The following NOX3 variants were observed in gnomAD, a reference collection of about 807,000 sequenced individuals.
NOX3 encodes NADPH oxidase catalytic subunit-like 3.
Under a neutral mutation model 76.7 loss-of-function variants are expected in NOX3, and 74 were observed. The ratio of observed to expected loss-of-function variants is 0.96; its 90% CI spans 0.80 to 1.17. The LOEUF is 1.17. NOX3 is among the 50% of genes most tolerant of loss of function. The pLI, the probability that NOX3 is intolerant of heterozygous loss-of-function variation, is 0.00. For missense variants in NOX3, 695 were observed against 703.3 expected (o/e 0.99, Z 0.13); for synonymous variants, 263 against 261.1 (o/e 1.01, Z -0.07).
At chr6:155,428,147 C>T (rs1466445880) in intron 9 of NOX3, among the ~76,000 whole-genome samples, 3 of 152,234 alleles carry the variant, frequency 2.0e-5, no homozygotes, top group Non-Finnish European at 2.9e-5. Context: ...GTGATCCGCC[C>T]GCCTTGGCTT....
chr6:155,413,085 T>C (rs545641530), intron 10 of NOX3, among the ~76,000 whole-genome samples: 1 of 152,148 alleles, frequency 6.6e-6, no homozygotes, highest in African/African-American at 2.4e-5. Context: ...TCTGGAGACA[T>C]AGGAGGCATT....
intron 6 of NOX3, among the ~76,000 whole-genome samples, chr6:155,439,143 A>G (rs1450847376): frequency 6.6e-6 from 1 of 152,234 alleles, no homozygotes; most frequent in Middle Eastern, 3.4e-3. Flanking sequence ...ACATGACAGG[A>G]CTGTTGTGGG....
At chr6:155,445,035 T>C (rs1397299103) in intron 4 of NOX3, among the ~76,000 whole-genome samples, 1 of 152,204 alleles carries the variant, frequency 6.6e-6, no homozygotes. Context: ...GAGAACAAGC[T>C]TAAGAACCCA....
intron 10 of NOX3, among the ~76,000 whole-genome samples, chr6:155,421,401 C>T (rs2114688678): frequency 6.6e-6 from 1 of 152,240 alleles, no homozygotes; most frequent in East Asian, 1.9e-4. Flanking sequence ...TAGTTAACTG[C>T]TGTTTCTTAG....
At chr6:155,404,622 A>G (rs144233734) in intron 12 of NOX3, among the ~76,000 whole-genome samples, 131 of 152,308 alleles carry the variant, frequency 8.6e-4, no homozygotes, top group African/African-American at 3.1e-3. Context: ...CCCTATGCTC[A>G]AAGTGATGCT....
In NOX3 at chr6:155,422,857, C is replaced by G; in HGVS notation, c.1146-1G>C. ...TCCAAAGGGCCCGTCCACTGCCAGC[C>G]TGGAATCATAGAGGAATGCAGCCTA... is the stretch of plus-strand genomic sequence containing the variant. On this transcript the variant is annotated splice_acceptor_variant, in intron 9 of 13. Coordinates refer to ENST00000159060, the MANE Select transcript of NOX3 (RefSeq NM_015718.3). LOFTEE classifies it high-confidence loss of function. The G allele has an allele frequency of 1.9e-6, 3 of 1,614,084 alleles. No homozygotes were observed. The highest frequency in any genetic ancestry group is 2.5e-6 in the Non-Finnish European group (3 of 1,179,954).
Position 155,443,543 on chromosome 6 carries a change from G to T in NOX3, c.341-125C>A. ...GTTTTTGTAATCTCCAAGGAAAAGT[G>T]ATGTATTTACACATCTTTCCCAGTG... On this transcript the variant is annotated intron_variant, in intron 4 of 13. Coordinates refer to ENST00000159060, the MANE Select transcript of NOX3 (RefSeq NM_015718.3). 6.0e-6 allele frequency: 7 copies of T among 1,166,308 alleles called. No homozygotes were observed. The South Asian group carries it at 8.2e-5, about 14-fold the overall frequency. The allele number at this position is 1,166,308 out of a possible 1,614,324, so 72.2% of individuals were successfully genotyped here.
chr6:155,454,957 G>A, intron 2 of NOX3, 36 bp from the exon 3 acceptor site: 1 of 1,578,346 alleles, frequency 6.3e-7, no homozygotes, highest in East Asian at 2.2e-5. Flanking sequence ...AGAGATTCAG[G>A]GAAAACAAGG....
chr6:155,415,056 A>T (rs116587632), intron 10 of NOX3, among the ~76,000 whole-genome samples: 175 of 152,196 alleles, frequency 1.1e-3, no homozygotes, highest in African/African-American at 3.8e-3. Flanking sequence ...CCAAGCGCTA[A>T]TGATCAGCCC....
chr6:155,427,488 C>T (rs772935418), intron 9 of NOX3, among the ~76,000 whole-genome samples: 25 of 152,170 alleles, frequency 1.6e-4, no homozygotes, highest in Non-Finnish European at 2.6e-4. Context: ...TTCCTCTGTA[C>T]GCACTGCATG....
intron 5 of NOX3, among the ~76,000 whole-genome samples, chr6:155,441,992 C>T (rs62429665): frequency 0.048 from 7,380 of 152,218 alleles, 260 homozygotes; most frequent in Non-Finnish European, 0.075. Flanking sequence ...AAGCCGAGCG[C>T]GGTGGCTCAC....
Position 155,411,301 on chromosome 6 carries a change from T to G in NOX3, c.1368A>C (p.Leu456Phe). Residue 456 changes from leucine to phenylalanine, a missense_variant, in exon 11 of 14, where the codon TTA (leucine) becomes TTC (phenylalanine). Leu to Phe is a conservative substitution (Grantham distance 22). Coordinates refer to ENST00000159060, the MANE Select transcript of NOX3 (RefSeq NM_015718.3). Reference protein sequence around the residue: ...ARAFEWFADLLLSLETRMSEQ... With the variant: ...ARAFEWFADLFLSLETRMSEQ... ...CACTCATCCGTGTTTCCAGGGAGAG[T>G]AAGAGATCAGCAAACCACTCAAAAG... The G allele has an allele frequency of 6.2e-7, 1 of 1,613,822 alleles. No homozygotes were observed. Among genetic ancestry groups the G allele is most frequent in the Non-Finnish European group, 8.5e-7 (1 of 1,179,896 alleles).
Position 155,453,473 on chromosome 6 carries a change from A to C in NOX3, c.271T>G (p.Trp91Gly). Reference sequence around the variant, plus strand: ...AGGTTTTTGTCTAATTGCCTCCTCCACGGTCCTCTGCAGCACTAGAGTAAC... The same window carrying C: ...AGGTTTTTGTCTAATTGCCTCCTCCCCGGTCCTCTGCAGCACTAGAGTAAC... Reference protein sequence around the residue: ...RGTSICCRGPWRRQLDKNLRF... With the variant: ...RGTSICCRGPGRRQLDKNLRF... Residue 91 changes from tryptophan to glycine, a missense_variant, in exon 4 of 14, where the codon TGG becomes GGG. Trp to Gly is a radical substitution (Grantham distance 184). Coordinates refer to ENST00000159060, the MANE Select transcript of NOX3 (RefSeq NM_015718.3). The C allele has an allele frequency of 6.2e-7, 1 of 1,613,674 alleles. No individual in the cohort carries two copies. Among genetic ancestry groups the C allele is most frequent in the South Asian group, 1.1e-5 (1 of 91,070 alleles).
intron 5 of NOX3, among the ~76,000 whole-genome samples, chr6:155,442,460 G>A (rs999741658): frequency 2.6e-5 from 4 of 152,138 alleles, no homozygotes; most frequent in Admixed American, 2.6e-4. Context: ...AGATGGCCTG[G>A]ATAAGAATGG....
At chr6:155,405,505 C>T (rs184466583) in intron 12 of NOX3, among the ~76,000 whole-genome samples, 136 of 152,268 alleles carry the variant, frequency 8.9e-4, no homozygotes, top group Middle Eastern at 6.8e-3. Context: ...GAAATTCTCC[C>T]CTGAACGTTT....
chr6:155,422,565 T>C (rs1005957235), intron 10 of NOX3, 129 bp downstream of exon 10: 10 of 802,814 alleles, frequency 1.2e-5, no homozygotes, highest in South Asian at 7.4e-5. Context: ...AGAACATAAG[T>C]ATAGTTAAGG....
intron 1 of NOX3, among the ~76,000 whole-genome samples, 179 bp from the exon 2 acceptor site, chr6:155,455,308 A>G (rs1440588108): frequency 6.6e-6 from 1 of 152,248 alleles, no homozygotes; most frequent in Non-Finnish European, 1.5e-5. Flanking sequence ...GTAATACATT[A>G]TTACCTTTAT....
intron 12 of NOX3, among the ~76,000 whole-genome samples, chr6:155,403,847 G>A (rs1779266170): frequency 6.6e-6 from 1 of 152,074 alleles, no homozygotes; most frequent in African/African-American, 2.4e-5. Flanking sequence ...GCCTTTTTGA[G>A]GGAAGGGAGA....
Position 155,428,858 on chromosome 6 carries a change from C to T in NOX3, c.1081G>A (p.Ala361Thr), listed in dbSNP as rs201049580. Reference protein sequence around the residue: ...VHIRAAGDWTAALLEAFGAEG... With the variant: ...VHIRAAGDWTTALLEAFGAEG... ...GCCCCAAAGGCCTCCAGTAGCGCTG[C>T]TGTCCAGTCTCCTGCTGCCCGGATG... is the stretch of plus-strand genomic sequence containing the variant. The change falls in exon 9 of 14, where the codon GCA becomes ACA. Residue 361 changes from alanine to threonine, a missense_variant. Coordinates refer to ENST00000159060, the MANE Select transcript of NOX3 (RefSeq NM_015718.3). The T allele has an allele frequency of 1.2e-5, 20 of 1,607,594 alleles. No homozygotes were observed. Among genetic ancestry groups the T allele is most frequent in the Admixed American group, 6.7e-5 (4 of 59,708 alleles).
Sources: gnomAD v4.1 joint callset for allele counts (sites outside exome capture counted in the v4.1 genomes callset) on GRCh38, gnomAD v4.1.1 for gene constraint, MANE v1.5 for transcripts, NCBI Gene and HGNC (gene_info 2026-07-23, HGNC 2026-07-21) for gene names.